Variants in TBC1D15 observed in about 807,000 individuals in gnomAD.
TBC1D15 encodes the protein GAP for RAB7.
In TBC1D15, 39 loss-of-function variants were observed where a neutral mutation model predicts 95.4. That is an observed-to-expected ratio of 0.41 (90% CI 0.32 to 0.53). TBC1D15 has a LOEUF of 0.53. Among genes scored for constraint, TBC1D15 ranks in the 20% least tolerant of loss-of-function variants. TBC1D15 has a pLI of 0.29. For synonymous variants in TBC1D15, 258 were observed against 261.3 expected (o/e 0.99, Z 0.12); for missense variants, 733 against 794.3 (o/e 0.92, Z 0.93).
chr12:71,920,901 C>A, intron 15 of TBC1D15, 54 bp downstream of exon 15: 3 of 1,266,074 alleles, frequency 2.4e-6, no homozygotes, highest in South Asian at 1.3e-5. Flanking sequence ...ATTTGGTGGT[C>A]CTGATATACA....
At chr12:71,862,685 T>C (rs1269171159) in intron 1 of TBC1D15, among the ~76,000 whole-genome samples, 2 of 152,240 alleles carry the variant, frequency 1.3e-5, no homozygotes, top group Admixed American at 6.5e-5. Context: ...ATTTCGTTAA[T>C]TGTTTCTGGT....
At chr12:71,896,153 G>T (rs538394781) in intron 8 of TBC1D15, 78 bp downstream of exon 8, 17 of 1,328,480 alleles carry the variant, frequency 1.3e-5, no homozygotes, top group South Asian at 7.5e-5. Context: ...TTACTGTTTT[G>T]GTGTGTTTTT....
chr12:71,893,059 C>T (rs1018812145), intron 5 of TBC1D15, among the ~76,000 whole-genome samples, 163 bp from the exon 6 acceptor site: 12 of 147,934 alleles, frequency 8.1e-5, no homozygotes, highest in African/African-American at 3.0e-4. Flanking sequence ...TTTGAAGCTC[C>T]TTTAAAATAG....
chr12:71,894,339 C>T (rs1946287985), intron 6 of TBC1D15: 6 of 1,612,804 alleles, frequency 3.7e-6, no homozygotes, highest in Non-Finnish European at 4.2e-6. Flanking sequence ...GACTGCTAGA[C>T]AGAAGAAAGC....
Position 71,913,811 on chromosome 12 carries a change from T to G in TBC1D15, c.1301-15T>G. 1 of 1,550,284 alleles carries G rather than the reference T, an allele frequency of 6.5e-7. No homozygotes were observed. Among genetic ancestry groups the G allele is most frequent in the South Asian group, 1.2e-5 (1 of 82,332 alleles). Reference sequence around the variant, plus strand: ...AACTTGGGTTTTCAGAGATGATTTTTTCTTTTCTTTTTAGGATATGTTCAA... The same window carrying G: ...AACTTGGGTTTTCAGAGATGATTTTGTCTTTTCTTTTTAGGATATGTTCAA... On this transcript the variant is annotated splice_polypyrimidine_tract_variant and intron_variant, in intron 11 of 16. Transcript: ENST00000485960.
intron 5 of TBC1D15, among the ~76,000 whole-genome samples, chr12:71,888,448 C>T (rs945768370): frequency 4.2e-5 from 6 of 144,434 alleles, no homozygotes; most frequent in South Asian, 4.4e-4. Context: ...CCAGCCTAGG[C>T]GACAGAGTGA....
At chr12:71,863,835 T>C (rs2138166254) in intron 1 of TBC1D15, among the ~76,000 whole-genome samples, 1 of 152,246 alleles carries the variant, frequency 6.6e-6, no homozygotes, top group South Asian at 2.1e-4. Flanking sequence ...ATTTTATCAT[T>C]GAATTCCTCA....
At chr12:71,876,546 G>C (rs1466896039) in intron 3 of TBC1D15, among the ~76,000 whole-genome samples, 1 of 151,998 alleles carries the variant, frequency 6.6e-6, no homozygotes, top group Non-Finnish European at 1.5e-5. Flanking sequence ...CTTTCCTGGG[G>C]GTTCTTTTTT....
At chr12:71,853,387 G>T (rs1034341746) in intron 1 of TBC1D15, among the ~76,000 whole-genome samples, 5 of 152,238 alleles carry the variant, frequency 3.3e-5, no homozygotes, top group African/African-American at 9.6e-5. Context: ...TCAAATTTGG[G>T]CAGGGACACA....
intron 1 of TBC1D15, among the ~76,000 whole-genome samples, chr12:71,844,006 C>G (rs982160102): frequency 6.7e-6 from 1 of 150,116 alleles, no homozygotes. Context: ...TGTTCTCCCT[C>G]TCAGTAAATA....
chr12:71,848,303 C>T (rs1343828276), intron 1 of TBC1D15, among the ~76,000 whole-genome samples: 1 of 152,146 alleles, frequency 6.6e-6, no homozygotes. Context: ...TTTATATTTC[C>T]ACTGGCAGTG....
intron 3 of TBC1D15, among the ~76,000 whole-genome samples, chr12:71,876,582 C>T (rs1289449275): frequency 4.6e-5 from 7 of 152,170 alleles, no homozygotes; most frequent in Non-Finnish European, 7.4e-5. Flanking sequence ...TTTAATCCCT[C>T]TGTTTTTTGT....
At chr12:71,849,682 C>A (rs1189499848) in intron 1 of TBC1D15, 4 of 556,538 alleles carry the variant, frequency 7.2e-6, no homozygotes, top group Non-Finnish European at 1.4e-5. Flanking sequence ...TCTATCTCCT[C>A]TGCATGGTCA....
intron 1 of TBC1D15, among the ~76,000 whole-genome samples, chr12:71,871,013 G>A (rs1252075258): frequency 6.6e-6 from 1 of 152,054 alleles, no homozygotes; most frequent in Non-Finnish European, 1.5e-5. Context: ...ACTTATATAT[G>A]TGAAAAGTTC....
At chr12:71,856,058 G>A (rs936617586) in intron 1 of TBC1D15, among the ~76,000 whole-genome samples, 6 of 152,004 alleles carry the variant, frequency 3.9e-5, no homozygotes, top group African/African-American at 1.2e-4. Flanking sequence ...CCCCCATACT[G>A]CCAAACCACC....
At chr12:71,908,407 G>C (rs1250665033) in intron 11 of TBC1D15, among the ~76,000 whole-genome samples, 1 of 152,116 alleles carries the variant, frequency 6.6e-6, no homozygotes, top group African/African-American at 2.4e-5. Flanking sequence ...TGGAAATAAT[G>C]TTTTCTAGAT....
At chr12:71,884,537 G>A (rs1401398565) in intron 4 of TBC1D15, among the ~76,000 whole-genome samples, 1 of 152,108 alleles carries the variant, frequency 6.6e-6, no homozygotes, top group Admixed American at 6.5e-5. Flanking sequence ...CTGCCTGCTT[G>A]CAAAGCCATG....
chr12:71,914,415 A>G (rs561423217), intron 12 of TBC1D15, among the ~76,000 whole-genome samples: 1 of 152,160 alleles, frequency 6.6e-6, no homozygotes, highest in East Asian at 1.9e-4. Flanking sequence ...TTATTTTCCC[A>G]GAAGTATGTG....
chr12:71,854,768 C>A (rs142494987), intron 1 of TBC1D15: 2 of 456,672 alleles, frequency 4.4e-6, no homozygotes, highest in Non-Finnish European at 8.8e-6. Flanking sequence ...TCCTCTCCCC[C>A]CCACCTTCTT....
Sources: allele counts gnomAD v4.1 joint callset (sites outside exome capture counted in the v4.1 genomes callset), GRCh38; gene constraint gnomAD v4.1.1; transcripts MANE v1.5; gene names NCBI Gene and HGNC (gene_info 2026-07-23, HGNC 2026-07-21).